The following KDM2A variants were observed in gnomAD, a reference collection of about 807,000 sequenced individuals.
The protein encoded by KDM2A is lysine demethylase 2A, also known as lysine-specific demethylase 2A.
A neutral mutation model predicts 137.3 loss-of-function variants in KDM2A; 3 were observed. That is an observed-to-expected ratio of 0.02 (90% confidence interval 0.01 to 0.06). The LOEUF (loss-of-function observed/expected upper bound fraction) is 0.06. KDM2A is among the 10% of genes least tolerant of loss of function. KDM2A has a pLI of 1.00. For synonymous variants in KDM2A, 512 were observed against 541.5 expected, an observed-to-expected ratio of 0.95 and a Z score of 0.76; for missense variants, 738 against 1,510.6, an observed-to-expected ratio of 0.49 and a Z score of 8.48.
At chr11:67,186,944 A>T (rs1857220940) in intron 5 of KDM2A, among the ~76,000 whole-genome samples, 1 of 152,194 alleles carries the variant, frequency 6.6e-6, no homozygotes, top group Admixed American at 6.5e-5. Flanking sequence ...ATTTAAGTTT[A>T]AGGGCAAAAG....
At chr11:67,127,321 G>T (rs979476388) in intron 2 of KDM2A, among the ~76,000 whole-genome samples, 3 of 151,508 alleles carry the variant, frequency 2.0e-5, no homozygotes, top group Admixed American at 6.6e-5. Flanking sequence ...GGCTGGTCTG[G>T]TTTTTTTTGC....
chr11:67,194,735 C>T (rs1250851427), intron 5 of KDM2A, among the ~76,000 whole-genome samples: 1 of 152,166 alleles, frequency 6.6e-6, no homozygotes, highest in Non-Finnish European at 1.5e-5. Context: ...AAGGATAGAT[C>T]CACAACCTGC....
intron 2 of KDM2A, among the ~76,000 whole-genome samples, chr11:67,128,009 C>CT (rs56704753): frequency 0.12 from 13,354 of 107,772 alleles, 1,239 homozygotes; most frequent in Non-Finnish European, 0.16. Context: ...CACACCCGGC[C>CT]TTTTTTTTTT....
intron 5 of KDM2A, among the ~76,000 whole-genome samples, chr11:67,187,995 C>A (rs1049656244): frequency 1.3e-5 from 2 of 151,880 alleles, no homozygotes; most frequent in Non-Finnish European, 2.9e-5. Context: ...AATTCAGAGA[C>A]CAGCCTGGGC....
At chr11:67,230,879 A>AC (rs1356528469) in intron 11 of KDM2A, among the ~76,000 whole-genome samples, 1 of 151,994 alleles carries the variant, frequency 6.6e-6, no homozygotes, top group Non-Finnish European at 1.5e-5. Flanking sequence ...TTTGTTACTT[A>AC]TGTTGTTAGA....
Position 67,255,126 on chromosome 11 carries a change from GACC to G in KDM2A, c.*72_*74del. On this transcript the variant is annotated 3_prime_UTR_variant, in exon 21 of 21. Transcript: ENST00000529006. ...TCCCCACCGAGGAGAGCCTCTCCTC[GACC>G]CTGCACGGGCTCTGAGGCCAGCGTC... 2.2e-6 allele frequency: 3 copies of G among 1,389,378 alleles called. No homozygotes were observed. Among genetic ancestry groups the G allele is most frequent in the Non-Finnish European group, 3.0e-6 (3 of 1,013,822 alleles). The allele number at this position is 1,389,378 out of a possible 1,614,324, so 86.1% of individuals were successfully genotyped here.
intron 15 of KDM2A, among the ~76,000 whole-genome samples, chr11:67,247,073 T>TATA (rs1859266101): frequency 6.9e-5 from 3 of 43,710 alleles, no homozygotes; most frequent in African/African-American, 2.4e-4. Flanking sequence ...ATATATATAT[T>TATA]TTTTTTTTTT....
At chr11:67,160,228 C>T (rs1016539500) in intron 2 of KDM2A, among the ~76,000 whole-genome samples, 2 of 152,154 alleles carry the variant, frequency 1.3e-5, no homozygotes, top group African/African-American at 4.8e-5. Flanking sequence ...CAATTGCCAT[C>T]AGTAGAGTTT....
At chr11:67,228,874 A>T (rs963542775) in intron 11 of KDM2A, among the ~76,000 whole-genome samples, 1 of 152,010 alleles carries the variant, frequency 6.6e-6, no homozygotes, top group African/African-American at 2.4e-5. Flanking sequence ...TTACAAGCAC[A>T]CACCACTATG....
At chr11:67,201,772 CAAAAAAAAAAAAAAAAAAAAA>C (rs71056184) in intron 5 of KDM2A, among the ~76,000 whole-genome samples, 1 of 37,818 alleles carries the variant, frequency 2.6e-5, no homozygotes, top group African/African-American at 1.2e-4. Flanking sequence ...GACTCCATCT[CAAAAAAAAAAAAAAAAAAAAA>C]AAAAAAAAAA....
intron 5 of KDM2A, among the ~76,000 whole-genome samples, chr11:67,182,185 C>T (rs1223122213): frequency 6.6e-6 from 1 of 152,126 alleles, no homozygotes; most frequent in Non-Finnish European, 1.5e-5. Flanking sequence ...AAACTTACAT[C>T]TCTTAGCCAA....
chr11:67,182,921 C>T (rs958117996), intron 5 of KDM2A, among the ~76,000 whole-genome samples: 1 of 152,188 alleles, frequency 6.6e-6, no homozygotes, highest in Non-Finnish European at 1.5e-5. Context: ...TTTCTATTAT[C>T]TTTTGTCCTC....
chr11:67,201,904 C>G (rs1022375300), intron 5 of KDM2A, among the ~76,000 whole-genome samples: 1 of 150,588 alleles, frequency 6.6e-6, no homozygotes, highest in African/African-American at 2.4e-5. Context: ...GCAATGAGCT[C>G]TGATCTTGCC....
chr11:67,245,586 T>G lies in KDM2A; in HGVS notation c.1833+128T>G. 1 of 1,053,174 alleles carries G rather than the reference T, an allele frequency of 9.5e-7. No homozygotes were observed. The highest frequency in any genetic ancestry group is 2.6e-5 in the East Asian group (1 of 38,506). 65.2% of individuals were successfully genotyped at this position (1,053,174 alleles called of 1,614,324 possible). On this transcript the variant is annotated intron_variant, in intron 14 of 20. Coordinates refer to ENST00000529006, the MANE Select transcript of KDM2A (RefSeq NM_012308.3). This position sits in a 1 kb window ranked among gnomAD's most constrained non-coding sequence, Gnocchi z 4.1. ...AAAGGTTTATACTCTCTTTTTGGCT[T>G]TATTTTGTACCTTTTTTCCCCAGGT...
At chr11:67,146,739 A>T (rs1856256842) in intron 2 of KDM2A, among the ~76,000 whole-genome samples, 1 of 152,038 alleles carries the variant, frequency 6.6e-6, no homozygotes, top group South Asian at 2.1e-4. Flanking sequence ...TGAACTTCTG[A>T]CCTCAGGTGA....
intron 5 of KDM2A, among the ~76,000 whole-genome samples, chr11:67,185,894 T>A (rs1857191848): frequency 6.6e-6 from 1 of 151,660 alleles, no homozygotes; most frequent in African/African-American, 2.4e-5. Flanking sequence ...ATTTTAGACT[T>A]CCCAGCCTCC....
chr11:67,186,048 A>G (rs1857197719), intron 5 of KDM2A, among the ~76,000 whole-genome samples: 1 of 152,120 alleles, frequency 6.6e-6, no homozygotes, highest in South Asian at 2.1e-4. Flanking sequence ...GAAGTACCAG[A>G]AGGAAAATAG....
At chr11:67,240,809 G>A (rs1859013919) in intron 12 of KDM2A, among the ~76,000 whole-genome samples, 1 of 152,078 alleles carries the variant, frequency 6.6e-6, no homozygotes, top group South Asian at 2.1e-4. Context: ...ATGAAAGCAG[G>A]GCGTGCTTGG....
At chr11:67,219,431 G>A (rs763880528) in intron 10 of KDM2A, 28 bp downstream of exon 10, 2 of 1,301,382 alleles carry the variant, frequency 1.5e-6, no homozygotes, top group Non-Finnish European at 2.2e-6. Context: ...ACAGTTGCAT[G>A]TGAAGAGGTT....
Sources: gnomAD v4.1 joint callset for allele counts (sites outside exome capture counted in the v4.1 genomes callset) on GRCh38, gnomAD v4.1.1 for gene constraint, Gnocchi (gnomAD v3.1) non-coding constraint, MANE v1.5 for transcripts, NCBI Gene and HGNC (gene_info 2026-07-23, HGNC 2026-07-21) for gene names.